The following STOX2 variants were observed in gnomAD, a reference collection of about 807,000 sequenced individuals.
STOX2 encodes storkhead box 2, also known as storkhead-box protein 2.
A neutral mutation model predicts 60.9 loss-of-function variants in STOX2; 28 were observed. That is an observed-to-expected ratio of 0.46 (90% confidence interval 0.34 to 0.63). STOX2 has a LOEUF of 0.63. STOX2 is among the 30% of genes least tolerant of loss of function. The pLI, the probability that STOX2 is intolerant of heterozygous loss-of-function variation, is 0.01. For synonymous variants in STOX2, 472 were observed against 463.9 expected, an observed-to-expected ratio of 1.02 and a Z score of -0.22; for missense variants, 1,024 against 1,187.7, an observed-to-expected ratio of 0.86 and a Z score of 2.03.
At chr4:183,891,502 C>T (rs187733246) in intron 1 of STOX2, among the ~76,000 whole-genome samples, 87 of 150,664 alleles carry the variant, frequency 5.8e-4, no homozygotes, top group African/African-American at 1.9e-3. Context: ...TGAAGTAACT[C>T]AGGAATGGAA....
At chr4:183,837,141 T>A (rs926443654) in intron 1 of STOX2, among the ~76,000 whole-genome samples, 2 of 152,136 alleles carry the variant, frequency 1.3e-5, no homozygotes, top group Admixed American at 6.6e-5. Flanking sequence ...CTTGGAGCTT[T>A]CTCGGGGAGT....
chr4:184,001,550 T>G lies in STOX2; in HGVS notation c.319+73T>G, dbSNP rs1030529860. On this transcript the variant is annotated intron_variant, in intron 2 of 3. Coordinates refer to ENST00000308497, the MANE Select transcript of STOX2 (RefSeq NM_020225.3). The surrounding 1 kb of genome is among the most constrained non-coding windows in gnomAD (Gnocchi z 4.2). Reference sequence around the variant, plus strand: ...TCGCTCTAGGACTCACGTGGACTGTTCTGCCCATGTTTAAAGAGAATAGGA... The same window carrying G: ...TCGCTCTAGGACTCACGTGGACTGTGCTGCCCATGTTTAAAGAGAATAGGA... 5.6e-6 allele frequency: 8 copies of G among 1,440,148 alleles called. No homozygotes were observed. The East Asian group carries it at 1.9e-4, about 34-fold the overall frequency. The allele number at this position is 1,440,148 out of a possible 1,614,324, so 89.2% of individuals were successfully genotyped here.
intron 1 of STOX2, among the ~76,000 whole-genome samples, chr4:183,834,515 G>A (rs1022894619): frequency 6.6e-6 from 1 of 152,010 alleles, no homozygotes; most frequent in Admixed American, 6.6e-5. Context: ...CCAGGCTGCC[G>A]TCTTGGCTCG....
intron 1 of STOX2, among the ~76,000 whole-genome samples, chr4:183,886,351 G>T (rs73870943): frequency 1.3e-5 from 2 of 151,862 alleles, no homozygotes; most frequent in African/African-American, 2.4e-5. Context: ...AACAGAAAGG[G>T]GGGGGAATGA....
intron 1 of STOX2, among the ~76,000 whole-genome samples, chr4:183,980,008 C>A (rs1328915329): frequency 6.6e-6 from 1 of 152,154 alleles, no homozygotes; most frequent in Non-Finnish European, 1.5e-5. Flanking sequence ...AATAGCCACA[C>A]ATGCCTAGTA....
intron 1 of STOX2, among the ~76,000 whole-genome samples, chr4:183,948,721 G>A (rs1194847313): frequency 1.3e-5 from 2 of 151,656 alleles, no homozygotes; most frequent in East Asian, 1.9e-4. Flanking sequence ...TAGTAGAGAT[G>A]GGCTTTCAGC....
At chr4:183,879,617 C>T (rs1316309874) in intron 1 of STOX2, among the ~76,000 whole-genome samples, 16 of 152,160 alleles carry the variant, frequency 1.1e-4, no homozygotes, top group Admixed American at 9.8e-4. Flanking sequence ...GGTGTGGCAC[C>T]TTTCACCATT....
At chr4:183,975,402 G>T (rs565321721) in intron 1 of STOX2, among the ~76,000 whole-genome samples, 5 of 152,116 alleles carry the variant, frequency 3.3e-5, no homozygotes, top group South Asian at 4.1e-4. Context: ...TAAAAATCTG[G>T]TTTTTTAAGT....
chr4:183,920,161 G>C (rs185132734), intron 1 of STOX2, among the ~76,000 whole-genome samples: 64 of 151,954 alleles, frequency 4.2e-4, no homozygotes, highest in African/African-American at 1.5e-3. Context: ...TGTCACCCAG[G>C]CTGGAGCACA....
chr4:183,894,550 A>T (rs1213072028), intron 1 of STOX2, among the ~76,000 whole-genome samples: 3 of 150,046 alleles, frequency 2.0e-5, no homozygotes, highest in East Asian at 2.0e-4. Flanking sequence ...AATATATGGG[A>T]CCTTTTTTTT....
At chr4:183,983,763 A>G (rs567059073) in intron 1 of STOX2, among the ~76,000 whole-genome samples, 27 of 152,296 alleles carry the variant, frequency 1.8e-4, no homozygotes, top group African/African-American at 6.5e-4. Context: ...CCTATCCATT[A>G]AAGACTGTTC....
chr4:183,929,506 TA>T, intron 1 of STOX2, among the ~76,000 whole-genome samples: 1 of 152,294 alleles, frequency 6.6e-6, no homozygotes. Context: ...TTTATAACAA[TA>T]ACCGATTGAT....
intron 2 of STOX2, among the ~76,000 whole-genome samples, chr4:184,005,542 A>G (rs1156845774): frequency 6.6e-6 from 1 of 151,400 alleles, no homozygotes; most frequent in African/African-American, 2.4e-5. Flanking sequence ...GCTTTGAAAA[A>G]TGTAAAGGTG....
chr4:183,843,134 C>A (rs1383116279), intron 1 of STOX2, among the ~76,000 whole-genome samples: 14 of 130,156 alleles, frequency 1.1e-4, no homozygotes, highest in African/African-American at 4.2e-4. Flanking sequence ...AGAGACAGAG[C>A]GAGACTCCAT....
At chr4:183,898,147 C>T (rs749248924) in intron 1 of STOX2, among the ~76,000 whole-genome samples, 44 of 151,870 alleles carry the variant, frequency 2.9e-4, no homozygotes, top group Non-Finnish European at 5.4e-4. Context: ...CAGGTGACAC[C>T]GATTTTCTGC....
chr4:183,999,693 T>C (rs190878235), intron 1 of STOX2, among the ~76,000 whole-genome samples: 138 of 152,324 alleles, frequency 9.1e-4, no homozygotes, highest in African/African-American at 3.2e-3. Context: ...CGTGCTGATC[T>C]TTGTCCCAGG....
At chr4:183,803,332 T>C (rs1190784814) in intron 1 of STOX2, among the ~76,000 whole-genome samples, 1 of 152,012 alleles carries the variant, frequency 6.6e-6, no homozygotes. Flanking sequence ...TGTCTCAGCC[T>C]CCTAAAGTGC....
At chr4:183,853,607 T>A (rs1416225875) in intron 1 of STOX2, 1 of 152,198 alleles carries the variant, frequency 6.6e-6, no homozygotes, top group Non-Finnish European at 1.5e-5. Flanking sequence ...ACTACAGCTA[T>A]CTTTAATGTT....
intron 1 of STOX2, among the ~76,000 whole-genome samples, chr4:183,880,848 A>C (rs1429922882): frequency 6.6e-6 from 1 of 152,218 alleles, no homozygotes; most frequent in African/African-American, 2.4e-5. Flanking sequence ...CTGTTTGATA[A>C]CTTACTTCTG....
Sources: gnomAD v4.1 joint callset for allele counts (sites outside exome capture counted in the v4.1 genomes callset) on GRCh38, gnomAD v4.1.1 for gene constraint, Gnocchi (gnomAD v3.1) non-coding constraint, MANE v1.5 for transcripts, NCBI Gene and HGNC (gene_info 2026-07-23, HGNC 2026-07-21) for gene names.